The following ATP2A2 variants were observed in gnomAD, a reference collection of about 807,000 sequenced individuals.
ATP2A2 encodes sarcoplasmic/endoplasmic reticulum calcium ATPase 2.
A neutral mutation model predicts 109.3 loss-of-function variants in ATP2A2; 14 were observed. The observed-to-expected ratio is 0.13, with a 90% CI of 0.08 to 0.20. The LOEUF (loss-of-function observed/expected upper bound fraction) is 0.20, where lower values mean the gene tolerates loss of function less well. ATP2A2 is among the 10% of genes least tolerant of loss of function. The pLI, the probability that ATP2A2 is intolerant of heterozygous loss-of-function variation, is 1.00. For synonymous variants in ATP2A2, 506 were observed against 490.9 expected, an observed-to-expected ratio of 1.03 and a Z score of -0.41; for missense variants, 657 against 1,321.6, an observed-to-expected ratio of 0.50 and a Z score of 7.80.
intron 5 of ATP2A2, among the ~76,000 whole-genome samples, chr12:110,309,792 A>G (rs924578087): frequency 6.6e-6 from 1 of 151,956 alleles, no homozygotes; most frequent in Non-Finnish European, 1.5e-5. Flanking sequence ...TGTAGTCCCA[A>G]CGACTTGAAA....
chr12:110,285,915 CTTTT>C (rs371107246), intron 3 of ATP2A2, among the ~76,000 whole-genome samples: 1 of 120,626 alleles, frequency 8.3e-6, no homozygotes. Flanking sequence ...TGAGTTAGTG[CTTTT>C]TTTTTTTTTT....
intron 5 of ATP2A2, among the ~76,000 whole-genome samples, chr12:110,309,140 ATTTTTTTTTTTTTTTTTTTT>A (rs10665212): frequency 1.2e-4 from 6 of 48,888 alleles, no homozygotes; most frequent in Admixed American, 3.5e-4. Context: ...AAGGAAACTA[ATTTTTTTTTTTTTTTTTTTT>A]TTTTTTTTTT....
Position 110,347,566 on chromosome 12 carries a change from GTATGTGTGTGTATGTGTGTGTTTTGTAAA to G in ATP2A2, c.*1097_*1125del. ...GTATAGAGAACATAAGGGCAAGTGTGTATGTGTGTGTATGTGTGTGTTTTGTAAAATCTGTAAATAGCACATGACCAAAT... is the reference window on the plus strand; with the variant it reads ...GTATAGAGAACATAAGGGCAAGTGTGATCTGTAAATAGCACATGACCAAAT... On this transcript the variant is annotated 3_prime_UTR_variant, in exon 20 of 20. Coordinates refer to ENST00000539276, the MANE Select transcript of ATP2A2 (RefSeq NM_170665.4). 1 of 1,249,208 alleles carries G rather than the reference GTATGTGTGTGTATGTGTGTGTTTTGTAAA, an allele frequency of 8.0e-7. No individual in the cohort carries two copies. The highest frequency in any genetic ancestry group is 1.0e-6 in the Non-Finnish European group (1 of 965,920). The allele number at this position is 1,249,208 out of a possible 1,614,324, so 77.4% of individuals were successfully genotyped here. A position where few individuals can be genotyped will look rare whatever the true frequency, so the allele number is the denominator to read the frequency against.
intron 4 of ATP2A2, among the ~76,000 whole-genome samples, chr12:110,292,748 C>G (rs534027880): frequency 6.6e-6 from 1 of 152,276 alleles, no homozygotes; most frequent in African/African-American, 2.4e-5. Context: ...GATCGTAACA[C>G]TGCACTCCAG....
At chr12:110,324,015 T>C (rs1877513599) in intron 6 of ATP2A2, among the ~76,000 whole-genome samples, 1 of 152,148 alleles carries the variant, frequency 6.6e-6, no homozygotes, top group African/African-American at 2.4e-5. Context: ...GAGATGAAAA[T>C]TGTACTACCT....
intron 5 of ATP2A2, among the ~76,000 whole-genome samples, chr12:110,311,622 A>AAAAC (rs1876073126): frequency 1.4e-5 from 2 of 141,018 alleles, no homozygotes; most frequent in Non-Finnish European, 3.1e-5. Flanking sequence ...AAAAAAAAAA[A>AAAAC]CGCTGGGATT....
At chr12:110,333,319 C>T (rs1566233571) in intron 10 of ATP2A2, 36 bp downstream of exon 10, 6 of 1,554,588 alleles carry the variant, frequency 3.9e-6, no homozygotes, top group Non-Finnish European at 5.3e-6. Flanking sequence ...AATGGCTGTT[C>T]CTAGTTCAAG....
chr12:110,311,595 C>CAAAAA lies in ATP2A2; in HGVS notation c.464-11374_464-11370dup, dbSNP rs67023919. Among the ~76,000 whole-genome samples the CAAAAA allele has an allele frequency of 1.2e-3, 30 of 25,222 alleles. 6 individuals are homozygous for CAAAAA. The highest frequency in any genetic ancestry group is 2.7e-3 in the Admixed American group (4 of 1,486). The allele number at this position is 25,222 out of a possible 152,430, so 16.5% of individuals were successfully genotyped here. ...TGGGGGACAGAGCGAGACTCCATCTCAAAAAAAAAAAAAAAAAAAAAAAAA... is the reference window on the plus strand; with the variant it reads ...TGGGGGACAGAGCGAGACTCCATCTCAAAAAAAAAAAAAAAAAAAAAAAAAAAAAA... On this transcript the variant is annotated intron_variant, in intron 5 of 19. Transcript: ENST00000539276.
chr12:110,300,131 C>G (rs1874425520), intron 5 of ATP2A2, among the ~76,000 whole-genome samples: 1 of 140,472 alleles, frequency 7.1e-6, no homozygotes, highest in Non-Finnish European at 1.6e-5. Context: ...CCCCTCCCCT[C>G]CCCTCCCCTC....
intron 14 of ATP2A2, 144 bp downstream of exon 14, chr12:110,341,138 C>G: frequency 1.1e-6 from 1 of 928,380 alleles, no homozygotes; most frequent in Non-Finnish European, 1.7e-6. Context: ...TTCGGTGAAT[C>G]AGTGGTTAGC....
chr12:110,293,373 T>TG (rs1555276939), intron 4 of ATP2A2, among the ~76,000 whole-genome samples: 9 of 118,310 alleles, frequency 7.6e-5, no homozygotes, highest in Non-Finnish European at 1.1e-4. Flanking sequence ...CGGCCTTTTT[T>TG]TTTTTTTTTT....
At chr12:110,337,804 T>C (rs56128816) in intron 11 of ATP2A2, among the ~76,000 whole-genome samples, 23,315 of 152,218 alleles carry the variant, frequency 0.15, 2,596 homozygotes, top group African/African-American at 0.31. Flanking sequence ...ACTATAAAAG[T>C]GTGTCTTTAA....
chr12:110,294,942 C>T (rs1873804731), intron 4 of ATP2A2, among the ~76,000 whole-genome samples: 1 of 152,028 alleles, frequency 6.6e-6, no homozygotes, highest in South Asian at 2.1e-4. Flanking sequence ...ACCTCAGTCT[C>T]CCAAGTAGCT....
rs1872274932 is a variant in ATP2A2, at chr12:110,282,775, C to T, written c.199C>T (p.Leu67=). ...FEDLLVRILL[L]AACISFVLAW... is the part of the protein sequence containing the mutation. ...AGACTTGCTAGTTAGGATTTTATTA[C>T]TGGCAGCATGTATATCTTTTGTAAG... Residue 67 remains leucine, a synonymous_variant, in exon 3 of 20, where the codon CTG becomes TTG. Coordinates refer to ENST00000539276, the MANE Select transcript of ATP2A2 (RefSeq NM_170665.4). The T allele has an allele frequency of 6.2e-7, 1 of 1,613,788 alleles. No homozygotes were observed.
chr12:110,291,603 T>C (rs1283373528), intron 3 of ATP2A2, among the ~76,000 whole-genome samples: 1 of 150,946 alleles, frequency 6.6e-6, no homozygotes, highest in African/African-American at 2.4e-5. Context: ...AGAAAGAAAA[T>C]AGATTTTGTC....
intron 5 of ATP2A2, among the ~76,000 whole-genome samples, chr12:110,302,507 C>G (rs1274772399): frequency 6.6e-6 from 1 of 152,030 alleles, no homozygotes; most frequent in Non-Finnish European, 1.5e-5. Flanking sequence ...TCTTCCCCCA[C>G]AGTATGGTAA....
chr12:110,309,375 C>G (rs1232202214), intron 5 of ATP2A2, among the ~76,000 whole-genome samples: 5 of 151,416 alleles, frequency 3.3e-5, no homozygotes, highest in Non-Finnish European at 1.5e-5. Flanking sequence ...CCAGGCTGGT[C>G]TCGAACTCCT....
intron 17 of ATP2A2, 98 bp downstream of exon 17, chr12:110,345,069 A>C: frequency 6.6e-7 from 1 of 1,504,818 alleles, no homozygotes; most frequent in Non-Finnish European, 9.2e-7. Context: ...CTTAAGACTC[A>C]GACAATAAAC....
intron 5 of ATP2A2, among the ~76,000 whole-genome samples, chr12:110,318,217 G>A (rs770827820): frequency 6.6e-6 from 1 of 152,112 alleles, no homozygotes; most frequent in Non-Finnish European, 1.5e-5. Context: ...AAAAGTATTC[G>A]GTGGACCTTT....
Sources: allele counts gnomAD v4.1 joint callset (sites outside exome capture counted in the v4.1 genomes callset), GRCh38; gene constraint gnomAD v4.1.1; transcripts MANE v1.5; gene names NCBI Gene and HGNC (gene_info 2026-07-23, HGNC 2026-07-21).